CDH13: variants seen among roughly 807,000 people sequenced by gnomAD.
The protein encoded by CDH13 is cadherin-13.
Under a neutral mutation model 63.8 loss-of-function variants are expected in CDH13, and 24 were observed. The ratio of observed to expected loss-of-function variants is 0.38; its 90% CI spans 0.27 to 0.53. The LOEUF is 0.53. Ranked by LOEUF, CDH13 falls within the 20% of genes least tolerant of loss-of-function variation. The pLI, the probability that CDH13 is intolerant of heterozygous loss-of-function variation, is 0.85. For synonymous variants in CDH13, 503 were observed against 355.3 expected (o/e 1.42, Z -4.67); for missense variants, 1,049 against 903.1 (o/e 1.16, Z -2.07).
At position 83,252,591 on chromosome 16, in the gene CDH13, GTCACCAAGTGC is replaced by G. The variant is rs202040081; in HGVS notation, c.636+35096_636+35106del. On this transcript the variant is annotated intron_variant, in intron 5 of 13. Transcript: ENST00000567109. The stretch of plus-strand genomic sequence containing the variant: ...GACATGTTGCAAGCAGTTGTATGAT[GTCACCAAGTGC>G]TGGCCGTTGGTGTCTCAGCCACAGT... Among the ~76,000 whole-genome samples the G allele has an allele frequency of 6.1e-3, 930 of 152,264 alleles. 9 individuals are homozygous for G. Among genetic ancestry groups the G allele is most frequent in the African/African-American group, 0.022 (898 of 41,544 alleles).
At chr16:82,897,400 G>GAATT (rs2041306783) in intron 2 of CDH13, among the ~76,000 whole-genome samples, 1 of 152,302 alleles carries the variant, frequency 6.6e-6, no homozygotes, top group South Asian at 2.1e-4. Flanking sequence ...ATGAATGAAT[G>GAATT]AAAGAATTAC....
At chr16:82,965,257 A>G (rs1907638931) in intron 2 of CDH13, among the ~76,000 whole-genome samples, 1 of 152,068 alleles carries the variant, frequency 6.6e-6, no homozygotes, top group Non-Finnish European at 1.5e-5. Context: ...CCCTCCCCAC[A>G]CGATCTCTCC....
chr16:83,676,781 C>T (rs1373173391), intron 9 of CDH13, among the ~76,000 whole-genome samples: 2 of 152,206 alleles, frequency 1.3e-5, no homozygotes, highest in African/African-American at 4.8e-5. Context: ...CCATGTGTGG[C>T]GTGCTTAGCA....
At chr16:83,257,386 C>T (rs1469955602) in intron 5 of CDH13, among the ~76,000 whole-genome samples, 2 of 151,892 alleles carry the variant, frequency 1.3e-5, no homozygotes, top group South Asian at 2.1e-4. Flanking sequence ...TCAAGCAGAC[C>T]CCAAAGGCCA....
At chr16:82,830,785 T>G (rs1248115882) in intron 1 of CDH13, among the ~76,000 whole-genome samples, 1 of 152,226 alleles carries the variant, frequency 6.6e-6, no homozygotes, top group Non-Finnish European at 1.5e-5. Flanking sequence ...TAGTCTTACA[T>G]GCATATTACC....
chr16:82,959,972 T>TA (rs1567696134), intron 2 of CDH13, among the ~76,000 whole-genome samples: 10 of 152,318 alleles, frequency 6.6e-5, no homozygotes, highest in Middle Eastern at 3.4e-3. Flanking sequence ...GTTTTATTTT[T>TA]TAAAAAAACA....
intron 1 of CDH13, among the ~76,000 whole-genome samples, chr16:82,712,493 G>A (rs900417312): frequency 1.3e-5 from 2 of 152,160 alleles, no homozygotes; most frequent in Non-Finnish European, 2.9e-5. Context: ...CTATGAAAAT[G>A]GCTTCATTTT....
At chr16:82,721,166 C>G (rs1209161872) in intron 1 of CDH13, among the ~76,000 whole-genome samples, 1 of 152,160 alleles carries the variant, frequency 6.6e-6, no homozygotes, top group African/African-American at 2.4e-5. Context: ...TACAGTGTTG[C>G]TGATGATATT....
chr16:82,953,390 G>C (rs894943333), intron 2 of CDH13: 4 of 152,152 alleles, frequency 2.6e-5, no homozygotes, highest in Admixed American at 1.3e-4. Context: ...GGGGTTTCTA[G>C]CTCTTAGGAG....
intron 1 of CDH13, among the ~76,000 whole-genome samples, chr16:82,708,343 G>T (rs929312436): frequency 2.6e-5 from 4 of 152,152 alleles, no homozygotes; most frequent in African/African-American, 4.8e-5. Flanking sequence ...TACTATAAAA[G>T]TGCAAATAGG....
chr16:82,988,308 T>C (rs895411788), intron 2 of CDH13, among the ~76,000 whole-genome samples: 1 of 152,164 alleles, frequency 6.6e-6, no homozygotes, highest in African/African-American at 2.4e-5. Flanking sequence ...GTGAGGAGAC[T>C]TGAGGGAATG....
chr16:82,841,795 C>A (rs1026779694), intron 1 of CDH13, among the ~76,000 whole-genome samples: 1 of 152,038 alleles, frequency 6.6e-6, no homozygotes, highest in African/African-American at 2.4e-5. Flanking sequence ...TCCAAATGAT[C>A]TAGAAATAGG....
chr16:83,586,543 A>T (rs1906178006), intron 7 of CDH13, among the ~76,000 whole-genome samples: 1 of 152,216 alleles, frequency 6.6e-6, no homozygotes, highest in African/African-American at 2.4e-5. Flanking sequence ...TTAAGTCGTA[A>T]CATCTGACTT....
At chr16:82,903,126 T>C (rs944580296) in intron 2 of CDH13, among the ~76,000 whole-genome samples, 2 of 152,376 alleles carry the variant, frequency 1.3e-5, no homozygotes, top group East Asian at 3.9e-4. Flanking sequence ...GAGCAGTAAG[T>C]GGTGAAACCA....
chr16:83,095,537 C>T (rs187473849), intron 3 of CDH13, among the ~76,000 whole-genome samples: 1 of 152,266 alleles, frequency 6.6e-6, no homozygotes, highest in Non-Finnish European at 1.5e-5. Context: ...GCAAATATCA[C>T]GTTATCTTTC....
intron 5 of CDH13, among the ~76,000 whole-genome samples, chr16:83,290,631 C>T (rs1371104273): frequency 6.6e-6 from 1 of 152,116 alleles, no homozygotes; most frequent in Non-Finnish European, 1.5e-5. Context: ...AGTGTGAGAA[C>T]AGAGTAATAT....
intron 1 of CDH13, among the ~76,000 whole-genome samples, chr16:82,658,389 T>A (rs1362950260): frequency 1.3e-5 from 2 of 152,168 alleles, no homozygotes; most frequent in East Asian, 3.8e-4. Context: ...CTGGATAACA[T>A]CAATTGATTC....
At chr16:82,931,670 T>A (rs966129726) in intron 2 of CDH13, among the ~76,000 whole-genome samples, 2 of 152,048 alleles carry the variant, frequency 1.3e-5, no homozygotes, top group African/African-American at 4.8e-5. Context: ...GGCCTCACAA[T>A]CATGGCAGAA....
At chr16:82,790,594 C>T (rs1183698048) in intron 1 of CDH13, among the ~76,000 whole-genome samples, 4 of 152,076 alleles carry the variant, frequency 2.6e-5, no homozygotes, top group African/African-American at 9.7e-5. Flanking sequence ...TGTATTAGTC[C>T]CTTCTCACGT....
Sources: allele counts gnomAD v4.1 joint callset (sites outside exome capture counted in the v4.1 genomes callset), GRCh38; gene constraint gnomAD v4.1.1; transcripts MANE v1.5; gene names NCBI Gene and HGNC (gene_info 2026-07-23, HGNC 2026-07-21).